Variants in ANKRD28 observed in about 807,000 individuals in gnomAD.
The protein encoded by ANKRD28 is ankyrin repeat domain 28.
In ANKRD28, 44 loss-of-function variants were observed where a neutral mutation model predicts 126.5. That is an observed-to-expected ratio of 0.35 (90% confidence interval 0.27 to 0.45). ANKRD28 has a LOEUF of 0.45. Ranked by LOEUF, ANKRD28 falls within the 20% of genes least tolerant of loss-of-function variation. The probability of loss-of-function intolerance (pLI) is 1.00; values close to 1 mark genes in which losing one functional copy is unlikely to be tolerated. For missense variants in ANKRD28, 1,110 were observed against 1,316.6 expected (o/e 0.84, Z 2.43); for synonymous variants, 442 against 468.5 (o/e 0.94, Z 0.73).
At chr3:15,794,500 A>G (rs1041268031) in intron 2 of ANKRD28, among the ~76,000 whole-genome samples, 2 of 152,196 alleles carry the variant, frequency 1.3e-5, no homozygotes, top group Non-Finnish European at 2.9e-5. Flanking sequence ...TGGTAAAAAT[A>G]TATACATTAG....
intron 1 of ANKRD28, among the ~76,000 whole-genome samples, chr3:15,823,228 T>C (rs914784343): frequency 6.6e-6 from 1 of 152,148 alleles, no homozygotes; most frequent in African/African-American, 2.4e-5. Flanking sequence ...CAGTTTACAA[T>C]AGGCTTCCTA....
At chr3:15,727,569 A>AAG (rs2074265346) in intron 6 of ANKRD28, among the ~76,000 whole-genome samples, 2 of 51,148 alleles carry the variant, frequency 3.9e-5, no homozygotes, top group Non-Finnish European at 1.4e-4. Flanking sequence ...TCTGTCAAAA[A>AAG]AAAAAAAAAA....
intron 2 of ANKRD28, among the ~76,000 whole-genome samples, chr3:15,775,294 G>C (rs1430521135): frequency 6.6e-6 from 1 of 152,212 alleles, no homozygotes; most frequent in Non-Finnish European, 1.5e-5. Flanking sequence ...ATACAACTAT[G>C]TAGGAGGAAA....
In ANKRD28 at chr3:15,809,415, C is replaced by T. The variant is rs528238367; in HGVS notation, c.28-14109G>A. Reference sequence around the variant, plus strand: ...CTCTGGTCCTGAGACATACAAGAAACCCAAGCCTGACCAGAGTACTACCCA... The same window carrying T: ...CTCTGGTCCTGAGACATACAAGAAATCCAAGCCTGACCAGAGTACTACCCA... On this transcript the variant is annotated intron_variant, in intron 1 of 27. Coordinates refer to the ANKRD28 transcript ENST00000399451. Among the ~76,000 whole-genome samples, 3 of 152,296 alleles carry T rather than the reference C, an allele frequency of 2.0e-5. No homozygotes were observed. In the South Asian group the frequency reaches 6.2e-4, roughly 32 times the overall value.
chr3:15,721,361 A>T (rs534769048), intron 7 of ANKRD28, among the ~76,000 whole-genome samples: 1 of 152,216 alleles, frequency 6.6e-6, no homozygotes, highest in South Asian at 2.1e-4. Context: ...CACATACACA[A>T]TGTCTACTTC....
In ANKRD28 at chr3:15,796,753, A is replaced by G. The variant is rs1419083584; in HGVS notation, c.-232T>C. ...AACGAAATTCTATTATTTCTGTTGG[A>G]TTACTGCAATACTTAAGAAGAAATT... On this transcript the variant is annotated 5_prime_UTR_variant, in exon 1 of 28. Coordinates refer to ENST00000683139, the MANE Select transcript of ANKRD28 (RefSeq NM_001349278.2). 3.0e-6 allele frequency: 3 copies of G among 988,568 alleles called. No individual in the cohort carries two copies. The highest frequency in any genetic ancestry group is 1.2e-4 in the Admixed American group (2 of 16,516). 61.2% of individuals were successfully genotyped at this position (988,568 alleles called of 1,614,324 possible).
chr3:15,819,547 T>C (rs2060900120), intron 1 of ANKRD28, among the ~76,000 whole-genome samples: 1 of 152,262 alleles, frequency 6.6e-6, no homozygotes, highest in South Asian at 2.1e-4. Flanking sequence ...ATAATATTGG[T>C]TGGCTACAGT....
intron 3 of ANKRD28, among the ~76,000 whole-genome samples, chr3:15,762,232 A>AAAAAAAT (rs2058524227): frequency 6.9e-6 from 1 of 144,938 alleles, no homozygotes; most frequent in African/African-American, 2.6e-5. Context: ...AAAAAAAAAA[A>AAAAAAAT]CTCTCCTGGT....
rs1205805930 is a variant in ANKRD28 at position 15,721,594 on chromosome 3, TAA to T, written c.784-469_784-468del. The stretch of plus-strand genomic sequence containing the variant: ...TAGTAATAAAGTACAGATCAAGATT[TAA>T]AAAAAAATGAACGGCATGTTCTATT... On this transcript the variant is annotated intron_variant, in intron 7 of 27. Coordinates refer to ENST00000683139, the MANE Select transcript of ANKRD28 (RefSeq NM_001349278.2). Among the ~76,000 whole-genome samples the T allele has an allele frequency of 2.0e-5, 3 of 151,470 alleles. No individual in the cohort carries two copies. In the South Asian group the frequency reaches 6.3e-4, roughly 32 times the overall value.
intron 2 of ANKRD28, among the ~76,000 whole-genome samples, chr3:15,779,544 C>T (rs1372916121): frequency 2.6e-5 from 4 of 152,254 alleles, no homozygotes; most frequent in East Asian, 1.9e-4. Flanking sequence ...AAGAAAACTG[C>T]GTTAAGATAT....
At chr3:15,771,196 G>C (rs552553879) in intron 2 of ANKRD28, among the ~76,000 whole-genome samples, 19 of 152,186 alleles carry the variant, frequency 1.2e-4, no homozygotes, top group African/African-American at 4.6e-4. Flanking sequence ...GATCACCTGA[G>C]GACAGGAGTT....
rs541070012 is a variant in ANKRD28 at position 15,820,199 on chromosome 3, G to GT, written c.28-24894dup. 9.2e-5 allele frequency among the ~76,000 whole-genome samples: 14 copies of GT among 152,168 alleles called. No homozygotes were observed. The South Asian group carries it at 2.1e-3, about 23-fold the overall frequency. On this transcript the variant is annotated intron_variant, in intron 1 of 27. Coordinates refer to the ANKRD28 transcript ENST00000399451. Reference sequence around the variant, plus strand: ...TGCACCCACTTGTGCAATAATGTACGTATGTTTATCTACATGTCTGTATGT... The same window carrying GT: ...TGCACCCACTTGTGCAATAATGTACGTTATGTTTATCTACATGTCTGTATGT...
chr3:15,767,700 TAAAAAAAAAAAAAAAAAAAA>T (rs57072807), intron 2 of ANKRD28, among the ~76,000 whole-genome samples: 24 of 64,358 alleles, frequency 3.7e-4, no homozygotes, highest in Non-Finnish European at 5.8e-4. Flanking sequence ...TAGTCTCTAC[TAAAAAAAAAAAAAAAAAAAA>T]AAAAAAAAAA....
intron 6 of ANKRD28, chr3:15,733,495 T>C (rs1045368259): frequency 2.0e-5 from 3 of 152,254 alleles, no homozygotes; most frequent in Admixed American, 6.5e-5. Flanking sequence ...GTTAGAAATA[T>C]TGAAGGCACT....
At chr3:15,785,617 G>T (rs946376751) in intron 2 of ANKRD28, among the ~76,000 whole-genome samples, 1 of 152,018 alleles carries the variant, frequency 6.6e-6, no homozygotes, top group South Asian at 2.1e-4. Flanking sequence ...CCTGCTATGA[G>T]TGCACACTGG....
rs1476897905 is a variant in ANKRD28, at chr3:15,817,538, C to T, written c.28-22232G>A. On this transcript the variant is annotated intron_variant, in intron 1 of 27. Coordinates refer to the ANKRD28 transcript ENST00000399451. This position sits in a 1 kb window ranked among gnomAD's most constrained non-coding sequence, Gnocchi z 4.5. Reference sequence around the variant, plus strand: ...TCTGTGACAGAGGGAGACAGACAGACATACAGTTCCTTAGGAATCACAAGA... The same window carrying T: ...TCTGTGACAGAGGGAGACAGACAGATATACAGTTCCTTAGGAATCACAAGA... 6.6e-6 allele frequency among the ~76,000 whole-genome samples: 1 copy of T among 152,140 alleles called. No individual in the cohort carries two copies. The highest frequency in any genetic ancestry group is 1.5e-5 in the Non-Finnish European group (1 of 68,034).
At chr3:15,762,476 T>C (rs1163022776) in intron 3 of ANKRD28, among the ~76,000 whole-genome samples, 1 of 152,204 alleles carries the variant, frequency 6.6e-6, no homozygotes, top group African/African-American at 2.4e-5. Flanking sequence ...TTCTTGATTG[T>C]AGAATTTAAA....
intron 18 of ANKRD28, among the ~76,000 whole-genome samples, chr3:15,688,846 C>G (rs554043749): frequency 2.6e-5 from 4 of 152,304 alleles, no homozygotes; most frequent in African/African-American, 9.6e-5. Flanking sequence ...ATAGTTCTTG[C>G]ATAAAGTGCT....
At chr3:15,703,674 T>C (rs1489487674) in intron 14 of ANKRD28, among the ~76,000 whole-genome samples, 1 of 152,220 alleles carries the variant, frequency 6.6e-6, no homozygotes, top group Non-Finnish European at 1.5e-5. Flanking sequence ...TATTTTGTTA[T>C]ACCAGTCCAA....
Sources: allele counts gnomAD v4.1 joint callset (sites outside exome capture counted in the v4.1 genomes callset), GRCh38; gene constraint gnomAD v4.1.1; non-coding constraint Gnocchi (gnomAD v3.1); transcripts MANE v1.5; gene names NCBI Gene and HGNC (gene_info 2026-07-23, HGNC 2026-07-21).